EPS8: variants seen among roughly 807,000 people sequenced by gnomAD.
EPS8 encodes epidermal growth factor receptor kinase substrate 8.
A neutral mutation model predicts 103.8 loss-of-function variants in EPS8; 42 were observed. The observed-to-expected ratio is 0.40, with a 90% CI of 0.32 to 0.52. EPS8 has a LOEUF of 0.52. EPS8 is among the 20% of genes least tolerant of loss of function. The probability of loss-of-function intolerance (pLI) is 0.40; values close to 1 mark genes in which losing one functional copy is unlikely to be tolerated. For missense variants in EPS8, 969 were observed against 1,005.1 expected, an observed-to-expected ratio of 0.96 and a Z score of 0.49; for synonymous variants, 344 against 344.6, an observed-to-expected ratio of 1.00 and a Z score of 0.02.
rs1482168327 is a variant in EPS8 at position 15,749,920 on chromosome 12, TAGAATAGTTACACTTC to T, written c.-22+39225_-22+39240del. Among the ~76,000 whole-genome samples the T allele has an allele frequency of 7.9e-5, 12 of 152,186 alleles. No individual in the cohort carries two copies. The highest frequency in any genetic ancestry group is 1.8e-4 in the Non-Finnish European group (12 of 68,036). On this transcript the variant is annotated intron_variant, in intron 1 of 20. Transcript: ENST00000281172. This position sits in a 1 kb window ranked among gnomAD's most constrained non-coding sequence, Gnocchi z 4.0. ...TCTAAGAAAAACGAATCTCCTTCTG[TAGAATAGTTACACTTC>T]AGAAACCTAAAAGCCCACTGCCTTT...
chr12:15,783,833 CAGTA>C (rs1178523462), intron 1 of EPS8, among the ~76,000 whole-genome samples: 1 of 151,370 alleles, frequency 6.6e-6, no homozygotes, highest in African/African-American at 2.4e-5. Flanking sequence ...CAACTGTTTA[CAGTA>C]AGTAATTTTG....
At position 15,751,685 on chromosome 12, in the gene EPS8, C is replaced by G. The variant is rs912565328; in HGVS notation, c.-22+37476G>C. The stretch of plus-strand genomic sequence containing the variant: ...CAACCTAGTGAATGAAAGAATATAC[C>G]CGTCCCTTGTACTTTTATGCTATGT... On this transcript the variant is annotated intron_variant, in intron 1 of 20. Coordinates refer to ENST00000281172, the MANE Select transcript of EPS8 (RefSeq NM_004447.6). This position sits in a 1 kb window ranked among gnomAD's most constrained non-coding sequence, Gnocchi z 4.3. 2.0e-5 allele frequency among the ~76,000 whole-genome samples: 3 copies of G among 151,996 alleles called. No homozygotes were observed. Among genetic ancestry groups the G allele is most frequent in the African/African-American group, 7.3e-5 (3 of 41,348 alleles).
At chr12:15,633,855 A>C (rs574651885) in intron 17 of EPS8, among the ~76,000 whole-genome samples, 11 of 152,126 alleles carry the variant, frequency 7.2e-5, no homozygotes, top group Non-Finnish European at 1.6e-4. Flanking sequence ...CTGGTTTGAA[A>C]TTCTTCATGT....
At chr12:15,755,644 G>T (rs1946979066) in intron 1 of EPS8, among the ~76,000 whole-genome samples, 2 of 152,178 alleles carry the variant, frequency 1.3e-5, no homozygotes, top group Non-Finnish European at 1.5e-5. Flanking sequence ...TCTTTCTATG[G>T]GTTCCCTCCT....
At chr12:15,723,217 G>A (rs1946617196) in intron 1 of EPS8, among the ~76,000 whole-genome samples, 1 of 152,080 alleles carries the variant, frequency 6.6e-6, no homozygotes, top group Non-Finnish European at 1.5e-5. Flanking sequence ...AGGCTGCTGT[G>A]GGAGAATCAC....
Position 15,769,929 on chromosome 12 carries a change from T to C in EPS8, c.-22+19232A>G, listed in dbSNP as rs1947135539. On this transcript the variant is annotated intron_variant, in intron 1 of 20. Coordinates refer to ENST00000281172, the MANE Select transcript of EPS8 (RefSeq NM_004447.6). This position sits in a 1 kb window ranked among gnomAD's most constrained non-coding sequence, Gnocchi z 4.6. The stretch of plus-strand genomic sequence containing the variant: ...CCACAATTATTTGTAATTTTCATGT[T>C]TTTTTAATTAGGTTTTTTTTTTTCT... 6.6e-6 allele frequency among the ~76,000 whole-genome samples: 1 copy of C among 152,096 alleles called. No individual in the cohort carries two copies. The highest frequency in any genetic ancestry group is 1.5e-5 in the Non-Finnish European group (1 of 68,006).
chr12:15,627,805 G>A (rs74065607), intron 18 of EPS8, among the ~76,000 whole-genome samples: 1,710 of 152,282 alleles, frequency 0.011, 33 homozygotes, highest in African/African-American at 0.039. Flanking sequence ...TAAAATATGT[G>A]TGTATATATA....
At position 15,771,240 on chromosome 12, in the gene EPS8, C is replaced by T. The variant is rs1422466815; in HGVS notation, c.-22+17921G>A. Among the ~76,000 whole-genome samples the T allele has an allele frequency of 6.6e-6, 1 of 152,122 alleles. No individual in the cohort carries two copies. The highest frequency in any genetic ancestry group is 1.5e-5 in the Non-Finnish European group (1 of 68,022). ...GACACTGAAGCACAGACTGGGAAAA[C>T]TGAAGTATACAGATGAAAGTGTATA... On this transcript the variant is annotated intron_variant, in intron 1 of 20. Transcript: ENST00000281172. This position sits in a 1 kb window ranked among gnomAD's most constrained non-coding sequence, Gnocchi z 4.6.
intron 18 of EPS8, among the ~76,000 whole-genome samples, chr12:15,626,432 C>G (rs1591798127): frequency 6.6e-6 from 1 of 151,806 alleles, no homozygotes; most frequent in East Asian, 1.9e-4. Flanking sequence ...AAATCGAGAC[C>G]ATCCTGGCCA....
intron 8 of EPS8, among the ~76,000 whole-genome samples, chr12:15,662,965 C>T (rs1294161778): frequency 1.4e-5 from 2 of 145,432 alleles, no homozygotes; most frequent in Admixed American, 1.4e-4. Context: ...TCTTCCTTTA[C>T]ACTAACTTTA....
intron 12 of EPS8, among the ~76,000 whole-genome samples, chr12:15,654,863 CT>C (rs1474470685): frequency 2.0e-5 from 3 of 152,138 alleles, no homozygotes; most frequent in East Asian, 3.9e-4. Flanking sequence ...GAAAATTCCT[CT>C]GATTTAATAT....
chr12:15,701,123 T>G lies in EPS8; in HGVS notation c.-21-18151A>C, dbSNP rs188615860. 1.1e-3 allele frequency among the ~76,000 whole-genome samples: 162 copies of G among 152,348 alleles called. 1 individual carries two copies. The highest frequency in any genetic ancestry group is 3.8e-3 in the African/African-American group (156 of 41,576). On this transcript the variant is annotated intron_variant, in intron 1 of 20. Coordinates refer to ENST00000281172, the MANE Select transcript of EPS8 (RefSeq NM_004447.6). The surrounding 1 kb of genome is among the most constrained non-coding windows in gnomAD (Gnocchi z 5.1). ...TCTTTGGCTTCAAAATAGTCACTTT[T>G]TTAAAAGGTAATTCTTTTCTCTCTC...
At chr12:15,682,527 C>T (rs1946025980) in intron 2 of EPS8, among the ~76,000 whole-genome samples, 1 of 152,106 alleles carries the variant, frequency 6.6e-6, no homozygotes, top group Non-Finnish European at 1.5e-5. Flanking sequence ...ACATTTAACC[C>T]TTCTCAAATG....
At position 15,704,910 on chromosome 12, in the gene EPS8, G is replaced by GCA. The variant is rs144357481; in HGVS notation, c.-21-21940_-21-21939dup. ...CAATTTCCTTGGCATGCGTGCGCAT[G>GCA]CACACACACACACAAAAAACTGTCC... On this transcript the variant is annotated intron_variant, in intron 1 of 20. Coordinates refer to ENST00000281172, the MANE Select transcript of EPS8 (RefSeq NM_004447.6). This position sits in a 1 kb window ranked among gnomAD's most constrained non-coding sequence, Gnocchi z 4.6. Among the ~76,000 whole-genome samples the GCA allele has an allele frequency of 7.9e-5, 12 of 151,552 alleles. No individual in the cohort carries two copies. Among genetic ancestry groups the GCA allele is most frequent in the Middle Eastern group, 3.2e-3 (1 of 316 alleles).
In EPS8 at chr12:15,757,108, G is replaced by A. The variant is rs748935474; in HGVS notation, c.-22+32053C>T. Among the ~76,000 whole-genome samples, 7 of 152,092 alleles carry A rather than the reference G, an allele frequency of 4.6e-5. No individual in the cohort carries two copies. Among genetic ancestry groups the A allele is most frequent in the Non-Finnish European group, 8.8e-5 (6 of 68,016 alleles). On this transcript the variant is annotated intron_variant, in intron 1 of 20. Coordinates refer to ENST00000281172, the MANE Select transcript of EPS8 (RefSeq NM_004447.6). This position sits in a 1 kb window ranked among gnomAD's most constrained non-coding sequence, Gnocchi z 4.1. ...AATGATCATATCTCATAAATTTTATGTCCCTAGTAACTGTAATAGAAACCT... is the reference window on the plus strand; with the variant it reads ...AATGATCATATCTCATAAATTTTATATCCCTAGTAACTGTAATAGAAACCT...
Position 15,682,847 on chromosome 12 carries a change from A to C in EPS8, c.59+46T>G, listed in dbSNP as rs202145734. 13 of 1,042,994 alleles carry C rather than the reference A, an allele frequency of 1.2e-5. No individual in the cohort carries two copies. In the East Asian group the frequency reaches 1.7e-4, roughly 14 times the overall value. 64.6% of individuals were successfully genotyped at this position (1,042,994 alleles called of 1,614,324 possible). A position where few individuals can be genotyped will look rare whatever the true frequency, so the allele number is the denominator to read the frequency against. On this transcript the variant is annotated intron_variant, in intron 2 of 20. Coordinates refer to ENST00000281172, the MANE Select transcript of EPS8 (RefSeq NM_004447.6). The stretch of plus-strand genomic sequence containing the variant: ...AAATATAAAACAATTAAAATCACCA[A>C]ATCAAATTCCCCCAAAACATATTAA...
intron 13 of EPS8, among the ~76,000 whole-genome samples, chr12:15,651,561 C>T (rs564229694): frequency 6.6e-6 from 1 of 152,264 alleles, no homozygotes; most frequent in African/African-American, 2.4e-5. Flanking sequence ...TGTATCAGCT[C>T]TGTTTTAATC....
intron 1 of EPS8, among the ~76,000 whole-genome samples, chr12:15,707,224 G>C (rs1946399271): frequency 6.6e-6 from 1 of 152,080 alleles, no homozygotes; most frequent in Non-Finnish European, 1.5e-5. Flanking sequence ...CAAACTTTCG[G>C]TAAAGAGCCA....
At chr12:15,679,095 A>G (rs1191245148) in intron 3 of EPS8, among the ~76,000 whole-genome samples, 1 of 151,950 alleles carries the variant, frequency 6.6e-6, no homozygotes, top group Non-Finnish European at 1.5e-5. Context: ...CAGGATTAAT[A>G]CTCTTTCTCC....
Sources: gnomAD v4.1 joint callset for allele counts (sites outside exome capture counted in the v4.1 genomes callset) on GRCh38, gnomAD v4.1.1 for gene constraint, Gnocchi (gnomAD v3.1) non-coding constraint, MANE v1.5 for transcripts, NCBI Gene and HGNC (gene_info 2026-07-23, HGNC 2026-07-21) for gene names.